The following NT5DC3 variants were observed in gnomAD, a reference collection of about 807,000 sequenced individuals.
NT5DC3 encodes the protein 5'-nucleotidase domain-containing protein 3.
Under a neutral mutation model 67.8 loss-of-function variants are expected in NT5DC3, and 42 were observed. The observed-to-expected ratio is 0.62, with a 90% confidence interval of 0.48 to 0.80. NT5DC3 has a LOEUF of 0.80. NT5DC3 is among the 30% of genes least tolerant of loss of function. The probability of loss-of-function intolerance (pLI) is 0.00; values close to 1 mark genes in which losing one functional copy is unlikely to be tolerated. For synonymous variants in NT5DC3, 237 were observed against 255.6 expected (o/e 0.93, Z 0.69); for missense variants, 570 against 696.4 (o/e 0.82, Z 2.04).
intron 5 of NT5DC3, among the ~76,000 whole-genome samples, chr12:103,797,645 C>T (rs1285655984): frequency 6.6e-6 from 1 of 152,112 alleles, no homozygotes; most frequent in Non-Finnish European, 1.5e-5. Context: ...CCGGTTCACA[C>T]TCAGGAAACA....
chr12:103,778,504 C>G (rs1181230994), intron 13 of NT5DC3, among the ~76,000 whole-genome samples: 1 of 152,158 alleles, frequency 6.6e-6, no homozygotes, highest in Non-Finnish European at 1.5e-5. Flanking sequence ...GCACTCCAGC[C>G]TGGGCAACAG....
At chr12:103,758,068 C>A in the NT5DC3 span, 6 of 1,539,732 alleles carry the variant, frequency 3.9e-6, no homozygotes, top group Non-Finnish European at 5.3e-6. Context: ...TGGCTCACAC[C>A]ATGAATATTC....
chr12:103,763,654 G>A, the NT5DC3 span: 1 of 1,509,152 alleles, frequency 6.6e-7, no homozygotes, highest in Non-Finnish European at 9.1e-7. Flanking sequence ...TGGGGTACAG[G>A]GGAATGATGT....
chr12:103,836,837 G>A (rs1003633117), intron 1 of NT5DC3, among the ~76,000 whole-genome samples: 7 of 152,104 alleles, frequency 4.6e-5, no homozygotes, highest in African/African-American at 1.2e-4. Flanking sequence ...ACGGGTGGGC[G>A]TCGAATGTCT....
intron 1 of NT5DC3, chr12:103,820,807 C>T (rs1370821216): frequency 6.6e-6 from 1 of 152,242 alleles, no homozygotes; most frequent in African/African-American, 2.4e-5. Flanking sequence ...AGGAACCAGT[C>T]AGATAAAGAC....
chr12:103,755,973 T>C, the NT5DC3 span, among the ~76,000 whole-genome samples: 3 of 152,340 alleles, frequency 2.0e-5, no homozygotes, highest in East Asian at 3.9e-4. Context: ...AGGGTCATTG[T>C]GATCATTAAA....
At chr12:103,806,269 C>A (rs1886796687) in intron 4 of NT5DC3, 53 bp downstream of exon 4, 1 of 1,191,356 alleles carries the variant, frequency 8.4e-7, no homozygotes. Flanking sequence ...GTCCTGAAAC[C>A]CAAAGCACCT....
the NT5DC3 span, chr12:103,763,271 G>T: frequency 7.2e-6 from 4 of 557,874 alleles, no homozygotes; most frequent in Non-Finnish European, 9.7e-6. Context: ...CCTATGTGCC[G>T]ATTTGGTGGT....
chr12:103,820,153 A>G (rs915231310), intron 1 of NT5DC3, among the ~76,000 whole-genome samples: 1 of 152,228 alleles, frequency 6.6e-6, no homozygotes, highest in Non-Finnish European at 1.5e-5. Flanking sequence ...TTGTCAATCA[A>G]CAGGCCATTG....
At chr12:103,810,621 G>A (rs1886988945) in intron 2 of NT5DC3, among the ~76,000 whole-genome samples, 1 of 152,166 alleles carries the variant, frequency 6.6e-6, no homozygotes, top group African/African-American at 2.4e-5. Context: ...TTAGTACCTT[G>A]ACTTTGTTCT....
At chr12:103,756,262 C>T in the NT5DC3 span, among the ~76,000 whole-genome samples, 1 of 152,222 alleles carries the variant, frequency 6.6e-6, no homozygotes, top group Non-Finnish European at 1.5e-5. Flanking sequence ...GAGAAAGCCT[C>T]ATCTGGAGAA....
downstream of NT5DC3, among the ~76,000 whole-genome samples, chr12:103,769,474 A>G (rs1885134699): frequency 6.6e-6 from 1 of 152,274 alleles, no homozygotes; most frequent in Non-Finnish European, 1.5e-5. Context: ...CGTGCCCTGC[A>G]TGGAGCAGGG....
chr12:103,755,528 T>C, the NT5DC3 span: 1 of 1,608,382 alleles, frequency 6.2e-7, no homozygotes, highest in Non-Finnish European at 8.5e-7. Context: ...ATCCTCAGCC[T>C]GGCCAGTCAC....
chr12:103,815,254 G>C (rs913714894), intron 1 of NT5DC3, 133 bp from the exon 2 acceptor site: 2 of 584,924 alleles, frequency 3.4e-6, no homozygotes. Flanking sequence ...GGTGAAGGAA[G>C]CCAGCCACAA....
intron 1 of NT5DC3, among the ~76,000 whole-genome samples, chr12:103,833,827 T>C (rs759984412): frequency 4.2e-4 from 64 of 152,180 alleles, no homozygotes; most frequent in Non-Finnish European, 3.1e-4. Flanking sequence ...GCCAAGTATC[T>C]GATGAGCACA....
intron 6 of NT5DC3, among the ~76,000 whole-genome samples, chr12:103,795,495 G>A (rs1886270999): frequency 6.6e-6 from 1 of 152,060 alleles, no homozygotes; most frequent in South Asian, 2.1e-4. Flanking sequence ...ACAAAAAAGA[G>A]AACAGAAACT....
chr12:103,792,341 C>G (rs1014882826), intron 9 of NT5DC3, among the ~76,000 whole-genome samples: 4 of 152,220 alleles, frequency 2.6e-5, no homozygotes, highest in African/African-American at 7.2e-5. Context: ...GAATTTAAAG[C>G]ATTAACTGCA....
chr12:103,820,625 C>A (rs1392938005), intron 1 of NT5DC3, among the ~76,000 whole-genome samples: 2 of 152,168 alleles, frequency 1.3e-5, no homozygotes, highest in Non-Finnish European at 2.9e-5. Flanking sequence ...TGTCACAGAG[C>A]AGTGTGTGGA....
Position 103,782,146 on chromosome 12 carries a change from G to A in NT5DC3, c.1330-1782C>T, listed in dbSNP as rs556264262. On this transcript the variant is annotated intron_variant, in intron 12 of 13. Transcript: ENST00000392876. ...GCATTTTGGGAGGCCAAGGCAGGTG[G>A]ATCACTTGAGGCCAGGAGTTCGAGA... Among the ~76,000 whole-genome samples, 30 of 152,330 alleles carry A rather than the reference G, an allele frequency of 2.0e-4. No homozygotes were observed. The South Asian group carries it at 3.1e-3, about 16-fold the overall frequency.
Sources: gnomAD v4.1 joint callset for allele counts (sites outside exome capture counted in the v4.1 genomes callset) on GRCh38, gnomAD v4.1.1 for gene constraint, MANE v1.5 for transcripts, NCBI Gene and HGNC (gene_info 2026-07-23, HGNC 2026-07-21) for gene names.